The following KLHDC4 variants were observed in gnomAD, a reference collection of about 807,000 sequenced individuals.
KLHDC4 encodes the protein kelch domain containing 4.
In KLHDC4, 90 loss-of-function variants were observed where a neutral mutation model predicts 62.4. That is an observed-to-expected ratio of 1.44 (90% CI 1.22 to 1.72). The LOEUF is 1.72. Ranked by LOEUF, KLHDC4 falls within the 40% of genes most tolerant of loss-of-function variation. The probability of loss-of-function intolerance (pLI) is 0.00; values close to 1 mark genes in which losing one functional copy is unlikely to be tolerated. For synonymous variants in KLHDC4, 386 were observed against 284.4 expected, an observed-to-expected ratio of 1.36 and a Z score of -3.59; for missense variants, 1,025 against 699.7, an observed-to-expected ratio of 1.47 and a Z score of -5.25.
At chr16:87,714,772 T>G (rs1012813003) in intron 7 of KLHDC4, among the ~76,000 whole-genome samples, 199 bp from the exon 8 acceptor site, 2 of 152,228 alleles carry the variant, frequency 1.3e-5, no homozygotes, top group Non-Finnish European at 1.5e-5. Flanking sequence ...TGGGTCCATC[T>G]GAAGAGGCCA....
chr16:87,755,365 C>A (rs776600982), intron 3 of KLHDC4, 73 bp from the exon 4 acceptor site: 16 of 801,478 alleles, frequency 2.0e-5, no homozygotes, highest in Non-Finnish European at 3.2e-5. Context: ...CAATCTTAAT[C>A]ATGACAATTC....
chr16:87,748,821 A>G lies in KLHDC4; in HGVS notation c.370-12T>C, dbSNP rs138284603. On this transcript the variant is annotated splice_polypyrimidine_tract_variant and intron_variant, in intron 4 of 11. Coordinates refer to ENST00000270583, the MANE Select transcript of KLHDC4 (RefSeq NM_017566.4). ...GGCACTACCACCGCCTGTGAAAAGA[A>G]AGGTGACAGGTCAGGGCACAGCCAC... 231 of 1,611,612 alleles carry G rather than the reference A, an allele frequency of 1.4e-4. 1 individual carries two copies. In the African/African-American group the frequency reaches 2.9e-3, roughly 20 times the overall value.
At chr16:87,746,606 G>A (rs1257079727) in intron 5 of KLHDC4, among the ~76,000 whole-genome samples, 2 of 152,110 alleles carry the variant, frequency 1.3e-5, no homozygotes, top group African/African-American at 2.4e-5. Context: ...CCCCACACAG[G>A]TCTCCCTTGC....
At position 87,709,293 on chromosome 16, in the gene KLHDC4, C is replaced by A. The variant is rs747496390; in HGVS notation, c.1419G>T (p.Ala473=). ...LHCLDLHRME[A]WKALVEMDPE... ...GGTCCATCTCCACCAAGGCCTTCCACGCCTCCATCCTGTGCAGGTCCAGGC... is the reference window on the plus strand; with the variant it reads ...GGTCCATCTCCACCAAGGCCTTCCAAGCCTCCATCCTGTGCAGGTCCAGGC... Residue 473 remains alanine (A), a synonymous_variant, in exon 10 of 12, where the codon GCG becomes GCT. Coordinates refer to ENST00000270583, the MANE Select transcript of KLHDC4 (RefSeq NM_017566.4). 1 of 1,612,514 alleles carries A rather than the reference C, an allele frequency of 6.2e-7. No homozygotes were observed. Among genetic ancestry groups the A allele is most frequent in the South Asian group, 1.1e-5 (1 of 91,070 alleles).
intron 7 of KLHDC4, among the ~76,000 whole-genome samples, chr16:87,722,772 G>A (rs1259561508): frequency 1.3e-5 from 2 of 152,256 alleles, no homozygotes; most frequent in African/African-American, 4.8e-5. Context: ...GGTCACTCCA[G>A]CTGCTGCACT....
At chr16:87,759,967 G>C (rs1309288275) in intron 2 of KLHDC4, among the ~76,000 whole-genome samples, 1 of 152,090 alleles carries the variant, frequency 6.6e-6, no homozygotes, top group Non-Finnish European at 1.5e-5. Flanking sequence ...CCATTTTCCA[G>C]GTAGGTCACA....
chr16:87,737,551 G>A (rs1003389460), intron 5 of KLHDC4, among the ~76,000 whole-genome samples: 12 of 151,346 alleles, frequency 7.9e-5, no homozygotes, highest in Admixed American at 3.3e-4. Context: ...TCACACCACC[G>A]CACTCCAGCT....
intron 5 of KLHDC4, among the ~76,000 whole-genome samples, chr16:87,747,300 A>G (rs1020007192): frequency 6.6e-6 from 1 of 152,224 alleles, no homozygotes; most frequent in African/African-American, 2.4e-5. Flanking sequence ...AAGAGATACC[A>G]AAGCTGACAA....
intron 6 of KLHDC4, among the ~76,000 whole-genome samples, chr16:87,728,711 G>A (rs1385443256): frequency 6.6e-6 from 1 of 151,890 alleles, no homozygotes; most frequent in Admixed American, 6.6e-5. Flanking sequence ...CTAGGCGCGG[G>A]GGCTCAAGCC....
chr16:87,718,650 G>A (rs927691907), intron 7 of KLHDC4, among the ~76,000 whole-genome samples: 10 of 151,624 alleles, frequency 6.6e-5, no homozygotes, highest in East Asian at 5.9e-4. Context: ...CCGCCACCTC[G>A]TCTGGGAAGT....
intron 7 of KLHDC4, among the ~76,000 whole-genome samples, chr16:87,717,532 T>G (rs2037242096): frequency 6.6e-6 from 1 of 152,246 alleles, no homozygotes; most frequent in Admixed American, 6.5e-5. Context: ...AAGTGAAAAC[T>G]GAGTCTGGGT....
At chr16:87,765,390 A>G (rs1455558482) in intron 1 of KLHDC4, 2 of 473,960 alleles carry the variant, frequency 4.2e-6, no homozygotes, top group Non-Finnish European at 8.4e-6. Context: ...TTACTCCCAG[A>G]CCACACATCA....
At chr16:87,702,949 T>G (rs1400674336), downstream of KLHDC4, 1 of 152,358 alleles carries the variant, frequency 6.6e-6, no homozygotes, top group Non-Finnish European at 1.5e-5. Context: ...TGAAAAAAAG[T>G]TTTCCTAAAT....
chr16:87,746,461 C>A (rs2043058026), intron 5 of KLHDC4, among the ~76,000 whole-genome samples: 1 of 152,182 alleles, frequency 6.6e-6, no homozygotes, highest in Admixed American at 6.5e-5. Context: ...AATCCGTACT[C>A]ACAACAGGCT....
At position 87,756,493 on chromosome 16, in the gene KLHDC4, G is replaced by A; in HGVS notation, c.192-16C>T. 6.2e-7 allele frequency: 1 copy of A among 1,606,768 alleles called. No individual in the cohort carries two copies. The highest frequency in any genetic ancestry group is 8.5e-7 in the Non-Finnish European group (1 of 1,173,608). On this transcript the variant is annotated splice_polypyrimidine_tract_variant and intron_variant, in intron 2 of 11. Transcript: ENST00000270583. ...GGCATTTAACCTACAAGACACACAA[G>A]CGGCAGGTCAGCAAGATCACCCCCG...
At chr16:87,713,723 T>C (rs1247066314) in intron 8 of KLHDC4, among the ~76,000 whole-genome samples, 1 of 151,894 alleles carries the variant, frequency 6.6e-6, no homozygotes, top group African/African-American at 2.4e-5. Context: ...GTGGTGAGAG[T>C]GGCTGACACA....
In KLHDC4 at chr16:87,765,868, T is replaced by TCCTTCTTGC. The variant is rs759876715; in HGVS notation, c.14_22dup (p.Gly5_Lys7dup). ...CTTCTCCGCGCCGCGGCCCTTCTTC[T>TCCTTCTTGC]CCTTCTTGCCCTTCTTGCCCATCTT... On this transcript the variant is annotated inframe_insertion, in exon 1 of 12. Transcript: ENST00000270583. 30 of 1,552,200 alleles carry TCCTTCTTGC rather than the reference T, an allele frequency of 1.9e-5. No homozygotes were observed. In the East Asian group the frequency reaches 3.2e-4, roughly 16 times the overall value.
chr16:87,726,944 C>T lies in KLHDC4; in HGVS notation c.600-20G>A, dbSNP rs750673339. On this transcript the variant is annotated intron_variant, in intron 6 of 11. Transcript: ENST00000270583. Reference sequence around the variant, plus strand: ...TAATCCCTGGTTAGAAGAACAGCAGCTGTCAGGGTCCGTAACATTGGGAAA... The same window carrying T: ...TAATCCCTGGTTAGAAGAACAGCAGTTGTCAGGGTCCGTAACATTGGGAAA... The T allele has an allele frequency of 1.9e-6, 3 of 1,612,818 alleles. No homozygotes were observed. Among genetic ancestry groups the T allele is most frequent in the Non-Finnish European group, 2.5e-6 (3 of 1,179,164 alleles).
rs1597304625 is a variant in KLHDC4, at chr16:87,747,215, A to AC, written c.506+1457dup. On this transcript the variant is annotated intron_variant, in intron 5 of 11. Coordinates refer to ENST00000270583, the MANE Select transcript of KLHDC4 (RefSeq NM_017566.4). Reference sequence around the variant, plus strand: ...CCGGAGCCAACACCAGCCTGGCGGGACTTGCTGGGTTGGGTGCTGGGTTAG... The same window carrying AC: ...CCGGAGCCAACACCAGCCTGGCGGGACCTTGCTGGGTTGGGTGCTGGGTTAG... Among the ~76,000 whole-genome samples the AC allele has an allele frequency of 2.0e-5, 3 of 152,356 alleles. No homozygotes were observed. In the East Asian group the frequency reaches 5.8e-4, roughly 29 times the overall value.
Sources: allele counts gnomAD v4.1 joint callset (sites outside exome capture counted in the v4.1 genomes callset), GRCh38; gene constraint gnomAD v4.1.1; transcripts MANE v1.5; gene names NCBI Gene and HGNC (gene_info 2026-07-23, HGNC 2026-07-21).